IL1RAPL2: variants seen among roughly 807,000 people sequenced by gnomAD.
IL1RAPL2 encodes the protein X-linked interleukin-1 receptor accessory protein-like 2.
Under a neutral mutation model 44.1 loss-of-function variants are expected in IL1RAPL2, and 3 were observed. The ratio of observed to expected loss-of-function variants is 0.07; its 90% confidence interval spans 0.03 to 0.18. The LOEUF (loss-of-function observed/expected upper bound fraction) is 0.18. IL1RAPL2 is among the 10% of genes least tolerant of loss of function. IL1RAPL2 has a pLI of 1.00. For synonymous variants in IL1RAPL2, 181 were observed against 178.8 expected (o/e 1.01, Z -0.10); for missense variants, 391 against 496.4 (o/e 0.79, Z 2.02).
intron 6 of IL1RAPL2, among the ~76,000 whole-genome samples, chrX:105,496,724 T>G (rs989310299): frequency 3.6e-5 from 4 of 112,109 alleles, no homozygotes; most frequent in Non-Finnish European, 7.5e-5. Context: ...AATAAATGAT[T>G]GTTAGCCTGA....
intron 2 of IL1RAPL2, among the ~76,000 whole-genome samples, chrX:105,138,117 A>G (rs1168982636): frequency 1.8e-5 from 2 of 111,071 alleles, no homozygotes; most frequent in Non-Finnish European, 3.8e-5. Flanking sequence ...GGATTGTGAT[A>G]CAGTTGTTCC....
intron 6 of IL1RAPL2, among the ~76,000 whole-genome samples, chrX:105,612,752 C>G (rs939235809): frequency 8.9e-5 from 10 of 111,743 alleles, no homozygotes; most frequent in African/African-American, 3.3e-4. Flanking sequence ...GAAAGCAAAA[C>G]GAGGCTGAAC....
intron 2 of IL1RAPL2, among the ~76,000 whole-genome samples, chrX:105,084,537 A>G (rs755173082): frequency 3.6e-5 from 4 of 112,439 alleles, no homozygotes; most frequent in East Asian, 5.6e-4. Context: ...GTTTTGGCCA[A>G]TTTCTCCCAT....
chrX:105,131,992 T>C lies in IL1RAPL2; in HGVS notation c.83-63483T>C, dbSNP rs887359228. 4.5e-5 allele frequency among the ~76,000 whole-genome samples: 5 copies of C among 110,794 alleles called. No homozygotes were observed. The South Asian group carries it at 1.5e-3, about 33-fold the overall frequency. On this transcript the variant is annotated intron_variant, in intron 2 of 10. Transcript: ENST00000372582. ...GCTCTGTGTTACTCTCTGGTGGGTA[T>C]AGGAAATTTGCTGAAGTCTTAATAT...
At chrX:104,879,866 G>A (rs1288020878) in intron 2 of IL1RAPL2, among the ~76,000 whole-genome samples, 4 of 111,207 alleles carry the variant, frequency 3.6e-5, no homozygotes, top group Admixed American at 1.9e-4. Flanking sequence ...GACTTACAGT[G>A]AGAAGTACTC....
At chrX:105,447,370 A>T (rs1455908792) in intron 5 of IL1RAPL2, among the ~76,000 whole-genome samples, 1 of 68,409 alleles carries the variant, frequency 1.5e-5, no homozygotes, top group Non-Finnish European at 2.4e-5. Flanking sequence ...TATAAATATA[A>T]ATATATAAAT....
intron 6 of IL1RAPL2, among the ~76,000 whole-genome samples, chrX:105,537,647 T>C (rs2036687543): frequency 8.9e-6 from 1 of 111,859 alleles, no homozygotes; most frequent in African/African-American, 3.2e-5. Context: ...GTAGGACCTT[T>C]AGCAAATTTC....
chrX:105,524,424 GA>G (rs2036581516), intron 6 of IL1RAPL2, among the ~76,000 whole-genome samples: 1 of 110,390 alleles, frequency 9.1e-6, no homozygotes, highest in African/African-American at 3.3e-5. Flanking sequence ...ATATTACTCT[GA>G]AAAAAGCTGG....
chrX:105,111,950 T>C (rs1432209228), intron 2 of IL1RAPL2, among the ~76,000 whole-genome samples: 1 of 111,902 alleles, frequency 8.9e-6, no homozygotes, highest in East Asian at 2.8e-4. Flanking sequence ...TATTTAACTA[T>C]TATAAGAGGA....
At chrX:105,160,081 A>G (rs941213218) in intron 2 of IL1RAPL2, among the ~76,000 whole-genome samples, 14 of 106,493 alleles carry the variant, frequency 1.3e-4, no homozygotes, top group African/African-American at 3.4e-4. Context: ...TAGTGATCCA[A>G]TCTGAGGCCT....
chrX:105,103,574 A>C, intron 2 of IL1RAPL2, among the ~76,000 whole-genome samples: 1 of 112,026 alleles, frequency 8.9e-6, no homozygotes. Context: ...AATGTATAGC[A>C]AAGCCAGAAA....
At chrX:105,010,426 A>G (rs1176504090) in intron 2 of IL1RAPL2, among the ~76,000 whole-genome samples, 1 of 111,610 alleles carries the variant, frequency 9.0e-6, no homozygotes, top group East Asian at 2.8e-4. Flanking sequence ...CTCTTCTACA[A>G]GACTTTTAAG....
At chrX:105,433,047 G>T (rs1479567449) in intron 5 of IL1RAPL2, among the ~76,000 whole-genome samples, 1 of 110,806 alleles carries the variant, frequency 9.0e-6, no homozygotes, top group East Asian at 2.9e-4. Flanking sequence ...TAAATGACTT[G>T]CTCATTGGTA....
chrX:105,209,546 C>A (rs1045603875), intron 3 of IL1RAPL2, among the ~76,000 whole-genome samples: 1 of 111,720 alleles, frequency 9.0e-6, no homozygotes, highest in African/African-American at 3.3e-5. Context: ...GGGCCTTTCT[C>A]CCAGCAGCAT....
chrX:105,602,457 A>G (rs1336163075), intron 6 of IL1RAPL2, among the ~76,000 whole-genome samples: 1 of 111,128 alleles, frequency 9.0e-6, no homozygotes, highest in Non-Finnish European at 1.9e-5. Context: ...TAAGTGCACA[A>G]ATTTTTGCAT....
Position 105,633,821 on chromosome X carries a change from G to T in IL1RAPL2, c.773-83546G>T, listed in dbSNP as rs1157142084. ...AAGTGTGAATGAGAGGTAGATACTT[G>T]GTTTTGGATTTGAGCCTAGGGAGAA... On this transcript the variant is annotated intron_variant, in intron 6 of 10. Transcript: ENST00000372582. 4.5e-5 allele frequency among the ~76,000 whole-genome samples: 5 copies of T among 111,434 alleles called. No individual in the cohort carries two copies. In the East Asian group the frequency reaches 1.4e-3, roughly 32 times the overall value.
At chrX:104,621,858 GAGTGT>G (rs1250034957) in intron 1 of IL1RAPL2, among the ~76,000 whole-genome samples, 1 of 111,618 alleles carries the variant, frequency 9.0e-6, no homozygotes, top group Non-Finnish European at 1.9e-5. Context: ...TCAATGGATG[GAGTGT>G]GGTTCAGGAG....
intron 1 of IL1RAPL2, among the ~76,000 whole-genome samples, chrX:104,657,029 G>T (rs1307648341): frequency 9.1e-6 from 1 of 110,323 alleles, no homozygotes; most frequent in Non-Finnish European, 1.9e-5. Flanking sequence ...CATTTGCTTG[G>T]TAGATCTTCC....
At chrX:105,003,225 C>T (rs761502885) in intron 2 of IL1RAPL2, among the ~76,000 whole-genome samples, 2 of 111,229 alleles carry the variant, frequency 1.8e-5, no homozygotes, top group South Asian at 7.5e-4. Flanking sequence ...TATTACTCTA[C>T]ATTATTATAA....
Sources: allele counts gnomAD v4.1 joint callset (sites outside exome capture counted in the v4.1 genomes callset), GRCh38; gene constraint gnomAD v4.1.1; transcripts MANE v1.5; gene names NCBI Gene and HGNC (gene_info 2026-07-23, HGNC 2026-07-21).